ZEB2: variants seen among roughly 807,000 people sequenced by gnomAD.
ZEB2 encodes the protein zinc finger E-box-binding homeobox 2.
In ZEB2, 6 loss-of-function variants were observed where a neutral mutation model predicts 99.9. The observed-to-expected ratio is 0.06, with a 90% CI of 0.03 to 0.12. ZEB2 has a LOEUF of 0.12. Among genes scored for constraint, ZEB2 ranks in the 10% least tolerant of loss-of-function variants. The probability of loss-of-function intolerance (pLI) is 1.00; values close to 1 mark genes in which losing one functional copy is unlikely to be tolerated. For synonymous variants in ZEB2, 517 were observed against 542.5 expected (o/e 0.95, Z 0.65); for missense variants, 969 against 1,502.8 (o/e 0.64, Z 5.87).
At chr2:144,431,655 G>A (rs1211782636) in intron 2 of ZEB2, among the ~76,000 whole-genome samples, 2 of 151,602 alleles carry the variant, frequency 1.3e-5, no homozygotes, top group African/African-American at 4.9e-5. Flanking sequence ...GCTGGGTAAT[G>A]CCCTCAGATC....
At chr2:144,390,921 A>C (rs1043579583) in intron 9 of ZEB2, among the ~76,000 whole-genome samples, 1 of 152,260 alleles carries the variant, frequency 6.6e-6, no homozygotes, top group Non-Finnish European at 1.5e-5. Flanking sequence ...TTTCCAAAAT[A>C]GAACTGATAA....
chr2:144,448,016 G>T (rs1266188252), intron 2 of ZEB2, among the ~76,000 whole-genome samples: 1 of 152,124 alleles, frequency 6.6e-6, no homozygotes, highest in Non-Finnish European at 1.5e-5. Context: ...GGTTGTGAAG[G>T]TTACATGTAA....
intron 2 of ZEB2, among the ~76,000 whole-genome samples, chr2:144,446,068 T>TTCCC (rs1469666147): frequency 1.3e-5 from 2 of 152,110 alleles, no homozygotes; most frequent in Admixed American, 1.3e-4. Flanking sequence ...CCTTCCTTCC[T>TTCCC]TCCCTGAACT....
At chr2:144,445,090 C>T (rs1560627176) in intron 2 of ZEB2, 1 of 152,124 alleles carries the variant, frequency 6.6e-6, no homozygotes, top group Admixed American at 6.5e-5. Flanking sequence ...GGAAGCCTGA[C>T]AGTAAGTAAT....
In ZEB2 at chr2:144,387,512, T is replaced by C. The variant is rs1272950457; in HGVS notation, c.*1939A>G. On this transcript the variant is annotated 3_prime_UTR_variant, in exon 10 of 10. Transcript: ENST00000627532. ...GTTAGCATTTGCTTTTAGCTTTTCC[T>C]CTCCCACCCACGCCTTCTAGTTTCA... 6.6e-6 allele frequency: 1 copy of C among 152,164 alleles called. No homozygotes were observed. The highest frequency in any genetic ancestry group is 1.9e-4 in the East Asian group (1 of 5,200). The allele number at this position is 152,164 out of a possible 1,614,324, so 9.4% of individuals were successfully genotyped here.
At chr2:144,400,635 A>T (rs1703298026) in intron 7 of ZEB2, among the ~76,000 whole-genome samples, 1 of 152,200 alleles carries the variant, frequency 6.6e-6, no homozygotes. Flanking sequence ...GCTTTAATAA[A>T]CTTTGTGGAG....
chr2:144,515,322 C>T (rs1345676636), intron 2 of ZEB2, among the ~76,000 whole-genome samples: 1 of 151,976 alleles, frequency 6.6e-6, no homozygotes, highest in Non-Finnish European at 1.5e-5. Context: ...AAAAGCCCCA[C>T]AACAGACATT....
intron 2 of ZEB2, chr2:144,494,250 G>C (rs1428619725): frequency 2.0e-5 from 3 of 151,202 alleles, no homozygotes; most frequent in Non-Finnish European, 4.4e-5. Flanking sequence ...GACACCCAAA[G>C]GCTAGCTCTT....
chr2:144,396,271 A>G (rs1230647452), intron 9 of ZEB2, 141 bp downstream of exon 9: 1 of 1,107,544 alleles, frequency 9.0e-7, no homozygotes, highest in Non-Finnish European at 1.4e-6. Flanking sequence ...AGTCCTACTG[A>G]GCTCGGCAAA....
Position 144,441,542 on chromosome 2 carries a change from T to TAAA in ZEB2, c.74-11519_74-11517dup, listed in dbSNP as rs1245139980. ...AACAATCACACCAGCATTAATTTTC[T>TAAA]AAAAAAAAAAAAAAAAAAGGAGTAA... On this transcript the variant is annotated intron_variant, in intron 2 of 9. Coordinates refer to ENST00000627532, the MANE Select transcript of ZEB2 (RefSeq NM_014795.4). 3.1e-4 allele frequency among the ~76,000 whole-genome samples: 36 copies of TAAA among 114,546 alleles called. 1 individual carries two copies. Among genetic ancestry groups the TAAA allele is most frequent in the South Asian group, 1.4e-3 (5 of 3,612 alleles). 75.1% of individuals were successfully genotyped at this position (114,546 alleles called of 152,430 possible). A position where few individuals can be genotyped will look rare whatever the true frequency, so the allele number is the denominator to read the frequency against.
chr2:144,464,741 T>C (rs533054753), intron 2 of ZEB2, among the ~76,000 whole-genome samples: 17 of 152,292 alleles, frequency 1.1e-4, no homozygotes, highest in Middle Eastern at 3.4e-3. Flanking sequence ...TCTTCTCAAA[T>C]ACATATTATG....
chr2:144,402,711 C>T (rs1187108276), intron 6 of ZEB2, among the ~76,000 whole-genome samples: 1 of 151,622 alleles, frequency 6.6e-6, no homozygotes, highest in Non-Finnish European at 1.5e-5. Context: ...TATCTAGGCA[C>T]TTTTTTTTTC....
At chr2:144,421,752 C>T (rs1273255653) in intron 4 of ZEB2, among the ~76,000 whole-genome samples, 1 of 151,510 alleles carries the variant, frequency 6.6e-6, no homozygotes, top group African/African-American at 2.4e-5. Context: ...AACAAATACA[C>T]TCAGTTGTAA....
At chr2:144,393,623 G>A (rs1380122982) in intron 9 of ZEB2, among the ~76,000 whole-genome samples, 1 of 152,158 alleles carries the variant, frequency 6.6e-6, no homozygotes, top group African/African-American at 2.4e-5. Flanking sequence ...TAGGAACATG[G>A]ACTAAATTTC....
At chr2:144,479,701 G>GT in intron 2 of ZEB2, among the ~76,000 whole-genome samples, 1 of 106,232 alleles carries the variant, frequency 9.4e-6, no homozygotes, top group Non-Finnish European at 1.9e-5. Flanking sequence ...GGGGCGGGGG[G>GT]TGGACTTTGA....
intron 9 of ZEB2, 63 bp from the exon 10 acceptor site, chr2:144,390,091 T>C: frequency 6.5e-7 from 1 of 1,550,052 alleles, no homozygotes; most frequent in Non-Finnish European, 8.8e-7. Context: ...TTTCCACTAA[T>C]TCTGTACGCG....
intron 2 of ZEB2, among the ~76,000 whole-genome samples, chr2:144,500,844 A>T (rs1704857612): frequency 1.3e-5 from 2 of 152,198 alleles, no homozygotes; most frequent in Admixed American, 1.3e-4. Context: ...ATGATGAAAA[A>T]TAAAGAGTTG....
intron 8 of ZEB2, among the ~76,000 whole-genome samples, chr2:144,397,155 C>G (rs558298385): frequency 6.6e-6 from 1 of 152,182 alleles, no homozygotes; most frequent in South Asian, 2.1e-4. Context: ...GTTAAAACAG[C>G]CTTCAGCATT....
intron 2 of ZEB2, chr2:144,513,023 C>T (rs1356977637): frequency 7.8e-7 from 1 of 1,287,244 alleles, no homozygotes; most frequent in Admixed American, 2.3e-5. Context: ...TGACAGTGAT[C>T]CGAAGGAAAC....
Sources: allele counts gnomAD v4.1 joint callset (sites outside exome capture counted in the v4.1 genomes callset), GRCh38; gene constraint gnomAD v4.1.1; transcripts MANE v1.5; gene names NCBI Gene and HGNC (gene_info 2026-07-23, HGNC 2026-07-21).